ROBO1: variants seen among roughly 807,000 people sequenced by gnomAD.
ROBO1 encodes roundabout homolog 1.
A neutral mutation model predicts 195.9 loss-of-function variants in ROBO1; 149 were observed. The ratio of observed to expected loss-of-function variants is 0.76; its 90% CI spans 0.67 to 0.87. ROBO1 has a LOEUF of 0.87. ROBO1 is among the 40% of genes least tolerant of loss of function. ROBO1 has a pLI of 0.00. For synonymous variants in ROBO1, 816 were observed against 733.2 expected, an observed-to-expected ratio of 1.11 and a Z score of -1.82; for missense variants, 1,933 against 2,068.3, an observed-to-expected ratio of 0.93 and a Z score of 1.27.
At chr3:79,129,266 G>A (rs2080277653) in intron 2 of ROBO1, among the ~76,000 whole-genome samples, 1 of 151,916 alleles carries the variant, frequency 6.6e-6, no homozygotes, top group South Asian at 2.1e-4. Flanking sequence ...TAGCATCTGG[G>A]GTTAAAACTG....
At chr3:79,177,354 G>A (rs1319220017) in intron 2 of ROBO1, among the ~76,000 whole-genome samples, 1 of 152,190 alleles carries the variant, frequency 6.6e-6, no homozygotes, top group Non-Finnish European at 1.5e-5. Context: ...GCCAACAAGT[G>A]CATTGCCTCA....
intron 4 of ROBO1, among the ~76,000 whole-genome samples, chr3:78,864,694 ATGTATATATACATATATACACATGTG>A (rs1041296009): frequency 2.0e-5 from 3 of 151,948 alleles, no homozygotes; most frequent in East Asian, 1.9e-4. Flanking sequence ...TAATGCATGT[ATGTATATATACATATATACACATGTG>A]TGTATATATA....
At chr3:79,511,290 T>C (rs1376037917) in intron 2 of ROBO1, among the ~76,000 whole-genome samples, 1 of 152,184 alleles carries the variant, frequency 6.6e-6, no homozygotes, top group Non-Finnish European at 1.5e-5. Context: ...ACTTCATCAG[T>C]AAATTGAAAA....
intron 4 of ROBO1, among the ~76,000 whole-genome samples, chr3:78,765,393 T>A (rs1465504601): frequency 6.6e-6 from 1 of 152,062 alleles, no homozygotes; most frequent in African/African-American, 2.4e-5. Flanking sequence ...ACATAAAATT[T>A]ATTATTAAAT....
intron 2 of ROBO1, among the ~76,000 whole-genome samples, chr3:79,536,588 T>C (rs940953613): frequency 1.3e-5 from 2 of 152,162 alleles, no homozygotes; most frequent in African/African-American, 4.8e-5. Flanking sequence ...AAAGCATTTG[T>C]TGTAAAATAA....
intron 2 of ROBO1, among the ~76,000 whole-genome samples, chr3:79,489,321 T>C (rs949813700): frequency 6.6e-6 from 1 of 152,078 alleles, no homozygotes; most frequent in African/African-American, 2.4e-5. Context: ...TGTCTAAAAT[T>C]ACAATTATTC....
chr3:79,032,762 A>C (rs1367696122), intron 3 of ROBO1, among the ~76,000 whole-genome samples: 2 of 152,118 alleles, frequency 1.3e-5, no homozygotes, highest in African/African-American at 2.4e-5. Flanking sequence ...CAAGGGGTGC[A>C]CATACACATA....
At chr3:78,788,681 T>G (rs2083925054) in intron 4 of ROBO1, among the ~76,000 whole-genome samples, 1 of 152,090 alleles carries the variant, frequency 6.6e-6, no homozygotes, top group South Asian at 2.1e-4. Flanking sequence ...TTAGTTTTGA[T>G]TTGTTTTGTT....
At chr3:79,661,703 A>T (rs1946333253) in intron 1 of ROBO1, among the ~76,000 whole-genome samples, 1 of 152,012 alleles carries the variant, frequency 6.6e-6, no homozygotes, top group Admixed American at 6.6e-5. Context: ...GTGTAGTAAA[A>T]TATCCTACCA....
intron 2 of ROBO1, among the ~76,000 whole-genome samples, chr3:79,478,341 G>T (rs1482203442): frequency 6.6e-6 from 1 of 152,030 alleles, no homozygotes; most frequent in Non-Finnish European, 1.5e-5. Flanking sequence ...ATAACCAAGG[G>T]TTAAGAAATA....
chr3:79,434,175 A>C (rs1406491161), intron 2 of ROBO1, among the ~76,000 whole-genome samples: 5 of 152,244 alleles, frequency 3.3e-5, no homozygotes, highest in Admixed American at 6.5e-5. Flanking sequence ...TCATGTCTAA[A>C]ACACCAAAAG....
intron 2 of ROBO1, among the ~76,000 whole-genome samples, chr3:79,334,655 C>A (rs2034592787): frequency 6.6e-6 from 1 of 151,808 alleles, no homozygotes; most frequent in Admixed American, 6.6e-5. Flanking sequence ...TATTGGAAAG[C>A]ACTAACAGGT....
In ROBO1 at chr3:79,432,827, T is replaced by C. The variant is rs142551373; in HGVS notation, c.88+156997A>G. Reference sequence around the variant, plus strand: ...GGGTCACTAATAGCATCCTTGCTGATTAAATATTACCAACACATGTATAAT... The same window carrying C: ...GGGTCACTAATAGCATCCTTGCTGACTAAATATTACCAACACATGTATAAT... On this transcript the variant is annotated intron_variant, in intron 2 of 30. Coordinates refer to ENST00000464233, the MANE Select transcript of ROBO1 (RefSeq NM_002941.4). Among the ~76,000 whole-genome samples the C allele has an allele frequency of 2.2e-3, 341 of 152,272 alleles. 2 individuals are homozygous for C. The highest frequency in any genetic ancestry group is 7.7e-3 in the African/African-American group (319 of 41,566).
chr3:79,391,255 T>C (rs140303105), intron 2 of ROBO1, among the ~76,000 whole-genome samples: 50 of 152,024 alleles, frequency 3.3e-4, no homozygotes, highest in Admixed American at 9.8e-4. Context: ...ATCATACCAC[T>C]ACACTCCAGT....
At chr3:79,218,493 T>G (rs573203535) in intron 2 of ROBO1, among the ~76,000 whole-genome samples, 3 of 152,102 alleles carry the variant, frequency 2.0e-5, no homozygotes, top group East Asian at 3.9e-4. Context: ...AAAATGCATC[T>G]CTCTTATACT....
Position 78,914,757 on chromosome 3 carries a change from TTA to T in ROBO1, c.499+23842_499+23843del, listed in dbSNP as rs3040518. ...TTATACCATGTATACATTTTATAAA[TTA>T]TATATATATATTTATATAAATATGC... On this transcript the variant is annotated intron_variant, in intron 4 of 30. Coordinates refer to ENST00000464233, the MANE Select transcript of ROBO1 (RefSeq NM_002941.4). 2.1e-3 allele frequency among the ~76,000 whole-genome samples: 311 copies of T among 146,516 alleles called. 5 individuals are homozygous for T. The East Asian group carries it at 0.034, about 16-fold the overall frequency.
chr3:78,728,844 A>G (rs1250064321), intron 5 of ROBO1, among the ~76,000 whole-genome samples: 2 of 152,230 alleles, frequency 1.3e-5, no homozygotes, highest in Non-Finnish European at 2.9e-5. Context: ...TTGGCGTCCC[A>G]TATTTGCCTG....
chr3:78,615,130 C>T (rs924922710), intron 27 of ROBO1, among the ~76,000 whole-genome samples: 6 of 152,042 alleles, frequency 3.9e-5, no homozygotes, highest in Non-Finnish European at 8.8e-5. Flanking sequence ...TATACTTAAA[C>T]AAAAAATAGT....
chr3:79,391,036 T>C (rs775665885), intron 2 of ROBO1, among the ~76,000 whole-genome samples: 5 of 151,432 alleles, frequency 3.3e-5, no homozygotes, highest in Non-Finnish European at 7.4e-5. Context: ...GGCTCATGCC[T>C]GTAATCCCAG....
Sources: allele counts gnomAD v4.1 joint callset (sites outside exome capture counted in the v4.1 genomes callset), GRCh38; gene constraint gnomAD v4.1.1; transcripts MANE v1.5; gene names NCBI Gene and HGNC (gene_info 2026-07-23, HGNC 2026-07-21).